The following EXOC6B variants were observed in gnomAD, a reference collection of about 807,000 sequenced individuals.
EXOC6B encodes SEC15 homolog B.
In EXOC6B, 54 loss-of-function variants were observed where a neutral mutation model predicts 113.5. The ratio of observed to expected loss-of-function variants is 0.48; its 90% CI spans 0.38 to 0.60. The LOEUF is 0.60. EXOC6B is among the 20% of genes least tolerant of loss of function. The pLI is 0.00. For missense variants in EXOC6B, 797 were observed against 977.5 expected (o/e 0.82, Z 2.46); for synonymous variants, 357 against 339.0 (o/e 1.05, Z -0.58).
At chr2:72,313,391 T>A (rs1023036948) in intron 20 of EXOC6B, among the ~76,000 whole-genome samples, 7 of 152,130 alleles carry the variant, frequency 4.6e-5, no homozygotes, top group African/African-American at 1.2e-4. Context: ...GTTAAAAAAA[T>A]TCATTACTTA....
chr2:72,706,246 C>G (rs1678866084), intron 6 of EXOC6B, among the ~76,000 whole-genome samples: 1 of 152,134 alleles, frequency 6.6e-6, no homozygotes, highest in South Asian at 2.1e-4. Flanking sequence ...TAATCACTTT[C>G]CAATGAAATA....
chr2:72,546,853 G>A (rs958313322), intron 8 of EXOC6B, among the ~76,000 whole-genome samples: 1 of 152,202 alleles, frequency 6.6e-6, no homozygotes, highest in Admixed American at 6.5e-5. Flanking sequence ...AAGACAAGGT[G>A]GTAGAGAGTT....
intron 11 of EXOC6B, among the ~76,000 whole-genome samples, chr2:72,503,912 T>A (rs1700467469): frequency 6.6e-6 from 1 of 152,056 alleles, no homozygotes; most frequent in African/African-American, 2.4e-5. Flanking sequence ...CATCTTTCTT[T>A]TTTTTCTTTT....
intron 1 of EXOC6B, among the ~76,000 whole-genome samples, chr2:72,796,560 A>G (rs1400072225): frequency 6.6e-6 from 1 of 151,852 alleles, no homozygotes; most frequent in Admixed American, 6.6e-5. Flanking sequence ...TATTTTATTC[A>G]TCTTTCTATC....
intron 1 of EXOC6B, among the ~76,000 whole-genome samples, chr2:72,806,764 G>A (rs377641359): frequency 4.6e-5 from 7 of 151,296 alleles, no homozygotes; most frequent in South Asian, 2.1e-4. Context: ...GTTTTGATTC[G>A]CATTTCTCCA....
At chr2:72,397,254 G>A (rs1273448021) in intron 18 of EXOC6B, among the ~76,000 whole-genome samples, 1 of 152,054 alleles carries the variant, frequency 6.6e-6, no homozygotes, top group East Asian at 1.9e-4. Flanking sequence ...TGGTCAAAAG[G>A]ATAACAAAGA....
intron 20 of EXOC6B, among the ~76,000 whole-genome samples, chr2:72,185,993 T>C (rs1678408663): frequency 3.3e-5 from 5 of 150,710 alleles, no homozygotes; most frequent in Admixed American, 2.7e-4. Flanking sequence ...ACATGAGGTG[T>C]TTGGTTTTTG....
intron 6 of EXOC6B, among the ~76,000 whole-genome samples, chr2:72,662,837 C>T (rs1011177566): frequency 1.3e-3 from 195 of 152,068 alleles, no homozygotes; most frequent in African/African-American, 4.5e-3. Flanking sequence ...CTCCCTAGTT[C>T]AAGTGATTCT....
At chr2:72,746,513 A>T (rs752818428) in intron 1 of EXOC6B, among the ~76,000 whole-genome samples, 3 of 151,992 alleles carry the variant, frequency 2.0e-5, no homozygotes, top group Non-Finnish European at 4.4e-5. Flanking sequence ...AGCCCACCTA[A>T]ATTTCATGTG....
intron 20 of EXOC6B, among the ~76,000 whole-genome samples, chr2:72,313,224 G>A (rs774805760): frequency 2.3e-4 from 35 of 152,010 alleles, no homozygotes; most frequent in Non-Finnish European, 4.3e-4. Context: ...GAAGGGTGGC[G>A]GGTGGGAGAT....
intron 18 of EXOC6B, among the ~76,000 whole-genome samples, chr2:72,434,168 G>T (rs1375606349): frequency 6.6e-6 from 1 of 152,110 alleles, no homozygotes; most frequent in Non-Finnish European, 1.5e-5. Flanking sequence ...TAATCATGTG[G>T]CTTTTGTCAT....
chr2:72,498,603 TCG>T, intron 12 of EXOC6B, 52 bp from the exon 13 acceptor site: 3 of 1,318,158 alleles, frequency 2.3e-6, no homozygotes, highest in Admixed American at 2.6e-5. Flanking sequence ...AGTTTTTTTT[TCG>T]GTTTTTTTTT....
chr2:72,476,343 T>C (rs1489476370), intron 17 of EXOC6B, among the ~76,000 whole-genome samples: 1 of 152,222 alleles, frequency 6.6e-6, no homozygotes, highest in African/African-American at 2.4e-5. Context: ...CACTTTTCTA[T>C]TGAATTACAG....
intron 17 of EXOC6B, among the ~76,000 whole-genome samples, chr2:72,477,107 A>G (rs1459678194): frequency 6.6e-6 from 1 of 152,196 alleles, no homozygotes; most frequent in East Asian, 1.9e-4. Context: ...ATCCCAGAAG[A>G]AAGTCCATCC....
rs528455056 is a variant in EXOC6B at position 72,232,321 on chromosome 2, C to T, written c.2197-48134G>A. Among the ~76,000 whole-genome samples, 6 of 152,074 alleles carry T rather than the reference C, an allele frequency of 3.9e-5. No homozygotes were observed. In the East Asian group the frequency reaches 5.8e-4, roughly 15 times the overall value. On this transcript the variant is annotated intron_variant, in intron 20 of 21. Coordinates refer to ENST00000272427, the MANE Select transcript of EXOC6B (RefSeq NM_015189.3). Reference sequence around the variant, plus strand: ...TTTAAAAACTGAGAATATTTAATACCGGTTATAGTGAGATTAAAATGGGCC... The same window carrying T: ...TTTAAAAACTGAGAATATTTAATACTGGTTATAGTGAGATTAAAATGGGCC...
chr2:72,666,955 C>T (rs1404014357), intron 6 of EXOC6B, among the ~76,000 whole-genome samples: 10 of 152,100 alleles, frequency 6.6e-5, no homozygotes, highest in South Asian at 4.2e-4. Context: ...CTCCACCTCC[C>T]GGGTTCAAGC....
In EXOC6B at chr2:72,432,618, C is replaced by T. The variant is rs534463659; in HGVS notation, c.1980+32542G>A. On this transcript the variant is annotated intron_variant, in intron 18 of 21. Transcript: ENST00000272427. The stretch of plus-strand genomic sequence containing the variant: ...TCCTGACTTCTTAATGATCCCCATT[C>T]TAACTGGCATGAGATAGTATCTCAT... Among the ~76,000 whole-genome samples, 33 of 152,284 alleles carry T rather than the reference C, an allele frequency of 2.2e-4. No homozygotes were observed. In the South Asian group the frequency reaches 3.1e-3, roughly 14 times the overall value.
At chr2:72,310,096 C>T (rs889612126) in intron 20 of EXOC6B, among the ~76,000 whole-genome samples, 5 of 152,118 alleles carry the variant, frequency 3.3e-5, no homozygotes, top group African/African-American at 4.8e-5. Context: ...CTGCTATAAA[C>T]GTTCATGTGC....
intron 19 of EXOC6B, among the ~76,000 whole-genome samples, chr2:72,379,333 TTAAAC>T (rs1236816073): frequency 2.0e-5 from 3 of 152,248 alleles, no homozygotes; most frequent in Non-Finnish European, 4.4e-5. Flanking sequence ...CATTTGTTCT[TTAAAC>T]TAACAATAGT....
Sources: gnomAD v4.1 joint callset for allele counts (sites outside exome capture counted in the v4.1 genomes callset) on GRCh38, gnomAD v4.1.1 for gene constraint, MANE v1.5 for transcripts, NCBI Gene and HGNC (gene_info 2026-07-23, HGNC 2026-07-21) for gene names.